Variants in DHRSX observed in about 807,000 individuals in gnomAD.
DHRSX encodes the protein dehydrogenase/reductase X-linked, also known as polyprenol dehydrogenase.
Under a neutral mutation model 34.0 loss-of-function variants are expected in DHRSX, and 31 were observed. That is an observed-to-expected ratio of 0.91 (90% confidence interval 0.69 to 1.23). The LOEUF (loss-of-function observed/expected upper bound fraction) is 1.23, where lower values mean the gene tolerates loss of function less well. DHRSX is among the 50% of genes most tolerant of loss of function. The pLI, the probability that DHRSX is intolerant of heterozygous loss-of-function variation, is 0.00. For synonymous variants in DHRSX, 201 were observed against 183.8 expected, an observed-to-expected ratio of 1.09 and a Z score of -0.76; for missense variants, 414 against 428.1, an observed-to-expected ratio of 0.97 and a Z score of 0.29.
At chrX:2,488,606 G>C (rs1308366800) in intron 1 of DHRSX, 31 of 1,556,906 alleles carry the variant, frequency 2.0e-5, no homozygotes, top group Non-Finnish European at 2.6e-5. Flanking sequence ...CTGCTGCGGG[G>C]ATGACTTGTA....
chrX:2,335,373 G>A (rs763968389), intron 3 of DHRSX, among the ~76,000 whole-genome samples: 1 of 152,048 alleles, frequency 6.6e-6, no homozygotes, highest in Non-Finnish European at 1.5e-5. Context: ...GAAACACGGG[G>A]ACGACTCGAA....
At chrX:2,489,463 G>T in intron 1 of DHRSX, 2 of 1,613,920 alleles carry the variant, frequency 1.2e-6, no homozygotes, top group Non-Finnish European at 8.5e-7. Flanking sequence ...TCACCATGCT[G>T]ATGGTGGGGT....
chrX:2,294,750 A>C (rs1183781167), intron 3 of DHRSX, among the ~76,000 whole-genome samples: 3 of 149,290 alleles, frequency 2.0e-5, no homozygotes, highest in Non-Finnish European at 4.4e-5. Context: ...AAAGAAGACA[A>C]AGAGAGAGAC....
At position 2,463,989 on chromosome X, in the gene DHRSX, T is replaced by C. The variant is rs752327004; in HGVS notation, c.109+36828A>G. Reference sequence around the variant, plus strand: ...CAAAGGACCACTGCTGTGTACACACTGAAGACATTCGCTAAGAATATGGCT... The same window carrying C: ...CAAAGGACCACTGCTGTGTACACACCGAAGACATTCGCTAAGAATATGGCT... On this transcript the variant is annotated intron_variant, in intron 1 of 6. Coordinates refer to ENST00000334651, the MANE Select transcript of DHRSX (RefSeq NM_145177.3). Among the ~76,000 whole-genome samples, 3 of 152,138 alleles carry C rather than the reference T, an allele frequency of 2.0e-5. No homozygotes were observed. The East Asian group carries it at 5.8e-4, about 29-fold the overall frequency.
At chrX:2,405,403 G>A (rs746250256) in intron 3 of DHRSX, among the ~76,000 whole-genome samples, 77 of 151,612 alleles carry the variant, frequency 5.1e-4, no homozygotes, top group African/African-American at 1.7e-3. Flanking sequence ...CAGGAGAATC[G>A]CTTGAACCCG....
At chrX:2,440,948 C>T (rs749041234) in intron 1 of DHRSX, among the ~76,000 whole-genome samples, 1 of 152,270 alleles carries the variant, frequency 6.6e-6, no homozygotes, top group African/African-American at 2.4e-5. Flanking sequence ...GTAACCAGCC[C>T]TGTCCTGACT....
chrX:2,425,154 A>T (rs772002322), intron 2 of DHRSX, 43 bp downstream of exon 2: 11 of 1,516,966 alleles, frequency 7.3e-6, no homozygotes, highest in Non-Finnish European at 7.2e-6. Context: ...AAAAAAAAAA[A>T]ACCGAAAAAA....
intron 6 of DHRSX, among the ~76,000 whole-genome samples, chrX:2,221,750 G>A (rs1432301937): frequency 1.3e-5 from 2 of 152,156 alleles, no homozygotes; most frequent in South Asian, 2.1e-4. Flanking sequence ...AGGAACTTGA[G>A]ATGCAGAAAA....
intron 3 of DHRSX, among the ~76,000 whole-genome samples, chrX:2,371,044 C>T (rs2043052396): frequency 1.3e-5 from 2 of 152,158 alleles, no homozygotes; most frequent in South Asian, 4.1e-4. Context: ...CTTCATGGTG[C>T]TATAGGCAGC....
chrX:2,452,135 C>T (rs1322568469), intron 1 of DHRSX, among the ~76,000 whole-genome samples: 3 of 150,238 alleles, frequency 2.0e-5, no homozygotes, highest in Non-Finnish European at 4.4e-5. Context: ...AAGGGACTGC[C>T]GCCGTGTACA....
At chrX:2,430,033 CA>C (rs2043897804) in intron 1 of DHRSX, among the ~76,000 whole-genome samples, 2 of 151,816 alleles carry the variant, frequency 1.3e-5, no homozygotes, top group African/African-American at 4.8e-5. Flanking sequence ...GAAACAACAG[CA>C]ACACTGAAAT....
chrX:2,358,859 G>C (rs912734311), intron 3 of DHRSX, among the ~76,000 whole-genome samples: 3 of 151,552 alleles, frequency 2.0e-5, no homozygotes, highest in Non-Finnish European at 2.9e-5. Flanking sequence ...TGAGGCAGGA[G>C]AATGGCGTGA....
At chrX:2,267,013 A>T in intron 4 of DHRSX, 66 bp from the exon 5 acceptor site, 1 of 1,537,782 alleles carries the variant, frequency 6.5e-7, no homozygotes, top group South Asian at 1.1e-5. Context: ...TCACAGATGG[A>T]TTCCCCAGAT....
intron 3 of DHRSX, among the ~76,000 whole-genome samples, chrX:2,359,019 T>G (rs2042893679): frequency 6.6e-6 from 1 of 150,898 alleles, no homozygotes; most frequent in East Asian, 1.9e-4. Context: ...TCACTGCTCA[T>G]TAGAGACACG....
intron 3 of DHRSX, among the ~76,000 whole-genome samples, chrX:2,391,400 G>A (rs959459962): frequency 1.3e-5 from 2 of 152,108 alleles, no homozygotes; most frequent in African/African-American, 4.8e-5. Context: ...TTGCACCACT[G>A]GTGCAACACC....
chrX:2,271,383 A>G (rs2041552262), intron 4 of DHRSX, among the ~76,000 whole-genome samples: 1 of 152,242 alleles, frequency 6.6e-6, no homozygotes, highest in Non-Finnish European at 1.5e-5. Flanking sequence ...GGGGAGAGGC[A>G]CCACCATGCC....
At chrX:2,235,104 G>C (rs747766429) in intron 6 of DHRSX, among the ~76,000 whole-genome samples, 20 of 152,298 alleles carry the variant, frequency 1.3e-4, no homozygotes, top group Admixed American at 8.5e-4. Context: ...AGGGAAATTG[G>C]AAGTTGTATT....
intron 3 of DHRSX, among the ~76,000 whole-genome samples, chrX:2,293,984 A>G (rs1306766278): frequency 6.6e-6 from 1 of 152,032 alleles, no homozygotes; most frequent in Non-Finnish European, 1.5e-5. Flanking sequence ...ATGACTCTCC[A>G]CTCACCATCA....
Position 2,243,168 on chromosome X carries a change from T to TA in DHRSX, c.658dup (p.Tyr220LeufsTer10). The TA allele has an allele frequency of 6.2e-7, 1 of 1,613,900 alleles. No individual in the cohort carries two copies. On this transcript the variant is annotated frameshift_variant, in exon 6 of 7. Transcript: ENST00000334651. LOFTEE classifies it high-confidence loss of function. ...AGCCGCCAGCAGCCGCTGGAGGTGG[T>TA]AGGTGAACAGGACAAGGGCCAGCTT...
Sources: allele counts gnomAD v4.1 joint callset (sites outside exome capture counted in the v4.1 genomes callset), GRCh38; gene constraint gnomAD v4.1.1; transcripts MANE v1.5; gene names NCBI Gene and HGNC (gene_info 2026-07-23, HGNC 2026-07-21).